Variants in FBXL2 observed in about 807,000 individuals in gnomAD.
FBXL2 encodes F-box/LRR-repeat protein 2.
Under a neutral mutation model 69.2 loss-of-function variants are expected in FBXL2, and 38 were observed. The observed-to-expected ratio is 0.55, with a 90% CI of 0.42 to 0.72. The LOEUF (loss-of-function observed/expected upper bound fraction) is 0.72, where lower values mean the gene tolerates loss of function less well. Among genes scored for constraint, FBXL2 ranks in the 30% least tolerant of loss-of-function variants. The pLI is 0.00. For missense variants in FBXL2, 354 were observed against 520.3 expected (o/e 0.68, Z 3.11); for synonymous variants, 192 against 201.3 (o/e 0.95, Z 0.39).
rs577900197 is a variant in FBXL2 at position 33,369,776 on chromosome 3, C to T, written c.291-3316C>T. Among the ~76,000 whole-genome samples the T allele has an allele frequency of 5.5e-3, 838 of 152,124 alleles. 6 individuals carry two copies. The highest frequency in any genetic ancestry group is 0.018 in the African/African-American group (766 of 41,490). On this transcript the variant is annotated intron_variant, in intron 5 of 14. Transcript: ENST00000484457. ...TACAGGCATGTACCACCCCGCCCGG[C>T]TAATTTTTGTACTTTTAGTAGAGAC...
At position 33,383,978 on chromosome 3, in the gene FBXL2, T is replaced by TC; in HGVS notation, c.952-9dup. On this transcript the variant is annotated splice_polypyrimidine_tract_variant and intron_variant, in intron 13 of 14. Transcript: ENST00000484457. Reference sequence around the variant, plus strand: ...GTCCTGCAAACATTTACTCATGTCTTCCTGTTCCAGAGCCTGTCCCACTGT... The same window carrying TC: ...GTCCTGCAAACATTTACTCATGTCTTCCCTGTTCCAGAGCCTGTCCCACTGT... The TC allele has an allele frequency of 6.2e-7, 1 of 1,613,400 alleles. No homozygotes were observed. The highest frequency in any genetic ancestry group is 8.5e-7 in the Non-Finnish European group (1 of 1,179,344).
At chr3:33,404,938 T>C (rs2044377155), downstream of FBXL2, among the ~76,000 whole-genome samples, 2 of 152,212 alleles carry the variant, frequency 1.3e-5, no homozygotes, top group Admixed American at 6.5e-5. Context: ...AAGATGCATT[T>C]CCAATAATAT....
chr3:33,340,895 CAAAAAA>C (rs67092664), intron 2 of FBXL2, among the ~76,000 whole-genome samples: 1 of 86,586 alleles, frequency 1.2e-5, no homozygotes, highest in South Asian at 4.3e-4. Context: ...TTCCTTTGCC[CAAAAAA>C]AAAAAAAAAA....
At chr3:33,409,152 C>G in the FBXL2 span, 2 of 1,323,352 alleles carry the variant, frequency 1.5e-6, no homozygotes, top group East Asian at 4.6e-5. Context: ...CTTCCCCAAC[C>G]CTTTTGTAGC....
Position 33,385,633 on chromosome 3 carries a change from T to G in FBXL2, c.*25T>G, listed in dbSNP as rs1575429163. Reference sequence around the variant, plus strand: ...ACAGCAGCTGCCTGGGCCCAAGGGGTGATGAGGCATCCTTTCCTCTAGAAG... The same window carrying G: ...ACAGCAGCTGCCTGGGCCCAAGGGGGGATGAGGCATCCTTTCCTCTAGAAG... On this transcript the variant is annotated 3_prime_UTR_variant, in exon 15 of 15. Transcript: ENST00000484457. 6.3e-7 allele frequency: 1 copy of G among 1,576,136 alleles called. No individual in the cohort carries two copies. Among genetic ancestry groups the G allele is most frequent in the African/African-American group, 1.3e-5 (1 of 74,176 alleles).
At chr3:33,371,998 TC>T (rs1461950433) in intron 5 of FBXL2, among the ~76,000 whole-genome samples, 2 of 152,220 alleles carry the variant, frequency 1.3e-5, no homozygotes, top group Non-Finnish European at 2.9e-5. Flanking sequence ...GGCTACTGTT[TC>T]CTTTAATGCT....
At chr3:33,395,072 T>C (rs1271117944) in intron 12 of FBXL2, among the ~76,000 whole-genome samples, 1 of 152,174 alleles carries the variant, frequency 6.6e-6, no homozygotes, top group Non-Finnish European at 1.5e-5. Flanking sequence ...CAAAATATTA[T>C]AATCTTGGCC....
intron 12 of FBXL2, chr3:33,393,278 A>G: frequency 6.4e-7 from 1 of 1,573,712 alleles, no homozygotes; most frequent in Non-Finnish European, 8.6e-7. Context: ...AGTAAATACC[A>G]GTCTGAAAAG....
At chr3:33,277,745 G>A (rs1310094831) in intron 1 of FBXL2, among the ~76,000 whole-genome samples, 1 of 152,122 alleles carries the variant, frequency 6.6e-6, no homozygotes, top group Admixed American at 6.5e-5. Context: ...AGCGTTCCCT[G>A]CCGCTGGAGT....
chr3:33,292,276 A>G (rs952580851), intron 1 of FBXL2, among the ~76,000 whole-genome samples: 3 of 152,118 alleles, frequency 2.0e-5, no homozygotes, highest in Non-Finnish European at 4.4e-5. Flanking sequence ...GCTTCTTGGG[A>G]GGCTGAGGTG....
At chr3:33,408,095 A>G (rs1458723175), downstream of FBXL2, among the ~76,000 whole-genome samples, 1 of 152,178 alleles carries the variant, frequency 6.6e-6, no homozygotes, top group Admixed American at 6.5e-5. Context: ...AACTGCCAAG[A>G]AGAAACATGA....
chr3:33,378,206 T>C, intron 12 of FBXL2, 59 bp downstream of exon 12: 1 of 1,505,036 alleles, frequency 6.6e-7, no homozygotes, highest in Non-Finnish European at 9.3e-7. Flanking sequence ...TGCTGGCCAG[T>C]GCAGCACAGC....
chr3:33,278,102 C>T (rs1294536388), intron 1 of FBXL2: 2 of 152,052 alleles, frequency 1.3e-5, no homozygotes, highest in African/African-American at 2.4e-5. Flanking sequence ...CTGAGTGCCG[C>T]ACCCTCACTA....
intron 12 of FBXL2, chr3:33,396,354 A>C (rs1331825538): frequency 9.1e-7 from 1 of 1,096,742 alleles, no homozygotes; most frequent in Non-Finnish European, 1.3e-6. Context: ...TGACAACTAC[A>C]GGAATCTAAG....
At chr3:33,377,180 A>C in intron 10 of FBXL2, 93 bp from the exon 11 acceptor site, 1 of 1,210,988 alleles carries the variant, frequency 8.3e-7, no homozygotes. Flanking sequence ...CATGTCAAAG[A>C]GCAGAAAAGA....
intron 2 of FBXL2, among the ~76,000 whole-genome samples, chr3:33,305,378 C>T (rs964820111): frequency 2.6e-5 from 4 of 151,884 alleles, no homozygotes; most frequent in East Asian, 1.9e-4. Flanking sequence ...ATGATCCTTT[C>T]GTTTCTACAT....
downstream of FBXL2, chr3:33,389,768 A>T (rs2043684260): frequency 6.5e-6 from 1 of 153,468 alleles, no homozygotes; most frequent in African/African-American, 2.4e-5. Flanking sequence ...GCATGATCAT[A>T]TCAAACGTAC....
chr3:33,321,479 C>G (rs1192064962), intron 2 of FBXL2, among the ~76,000 whole-genome samples: 1 of 152,174 alleles, frequency 6.6e-6, no homozygotes, highest in Non-Finnish European at 1.5e-5. Context: ...AAGTGACCAT[C>G]TACTCTCGTG....
At chr3:33,353,158 G>T (rs2040950211) in intron 2 of FBXL2, among the ~76,000 whole-genome samples, 1 of 152,172 alleles carries the variant, frequency 6.6e-6, no homozygotes, top group African/African-American at 2.4e-5. Context: ...AGAGCAACAG[G>T]AACACTTATT....
Sources: gnomAD v4.1 joint callset for allele counts (sites outside exome capture counted in the v4.1 genomes callset) on GRCh38, gnomAD v4.1.1 for gene constraint, MANE v1.5 for transcripts, NCBI Gene and HGNC (gene_info 2026-07-23, HGNC 2026-07-21) for gene names.